Variants in ZNF253 observed in about 807,000 individuals in gnomAD.
ZNF253 encodes zinc finger protein 253, also known as DNA-binding protein.
A neutral mutation model predicts 11.9 loss-of-function variants in ZNF253; 8 were observed. The ratio of observed to expected loss-of-function variants is 0.67; its 90% CI spans 0.40 to 1.22. ZNF253 has a LOEUF of 1.22. Among genes scored for constraint, ZNF253 ranks in the 50% most tolerant of loss-of-function variants. The pLI, the probability that ZNF253 is intolerant of heterozygous loss-of-function variation, is 0.01. For missense variants in ZNF253, 485 were observed against 586.9 expected (o/e 0.83, Z 1.79); for synonymous variants, 194 against 194.9 (o/e 1.00, Z 0.04).
At chr19:19,873,563 C>T (rs1357809346) in intron 1 of ZNF253, among the ~76,000 whole-genome samples, 1 of 152,124 alleles carries the variant, frequency 6.6e-6, no homozygotes, top group Non-Finnish European at 1.5e-5. Context: ...TGTGTTTGTT[C>T]ATCCTCTCAT....
At chr19:19,870,265 G>A (rs74979032) in intron 1 of ZNF253, among the ~76,000 whole-genome samples, 33,174 of 151,394 alleles carry the variant, frequency 0.22, 4,166 homozygotes, top group East Asian at 0.56. Flanking sequence ...GGTGGCACGC[G>A]CCTGTAATCC....
intron 1 of ZNF253, among the ~76,000 whole-genome samples, chr19:19,877,541 A>G (rs1004017670): frequency 7.9e-5 from 12 of 152,048 alleles, no homozygotes; most frequent in African/African-American, 2.9e-4. Flanking sequence ...ACGCCCAGCT[A>G]ATTTTGTATT....
At chr19:19,869,857 G>A (rs2063126497) in intron 1 of ZNF253, among the ~76,000 whole-genome samples, 1 of 151,256 alleles carries the variant, frequency 6.6e-6, no homozygotes, top group Non-Finnish European at 1.5e-5. Flanking sequence ...TTTTAGTAGA[G>A]ACAGGATTTC....
Position 19,892,373 on chromosome 19 carries a change from G to A in ZNF253, c.1126G>A (p.Ala376Thr), listed in dbSNP as rs1284250817. 5 of 1,613,718 alleles carry A rather than the reference G, an allele frequency of 3.1e-6. No homozygotes were observed. The highest frequency in any genetic ancestry group is 2.2e-5 in the East Asian group (1 of 44,860). Residue 376 changes from alanine (A) to threonine (T), a missense_variant, in exon 4 of 4, where the codon GCT (alanine) becomes ACT (threonine). Around this residue, in one of 3 missense-constraint regions of ZNF253, gnomAD observed 232 missense variants for 321.4 expected, o/e 0.72. Transcript: ENST00000589717. Reference sequence around the variant, plus strand: ...CTACAGATGTAGAGAATGTGGCAAAGCTTTTAACCATTCCACAACCCTTTT... The same window carrying A: ...CTACAGATGTAGAGAATGTGGCAAAACTTTTAACCATTCCACAACCCTTTT... Reference protein sequence around the residue: ...KPYRCRECGKAFNHSTTLFSH... With the variant: ...KPYRCRECGKTFNHSTTLFSH...
chr19:19,881,516 G>A (rs546544231), intron 3 of ZNF253, among the ~76,000 whole-genome samples: 68 of 152,000 alleles, frequency 4.5e-4, no homozygotes, highest in Non-Finnish European at 6.9e-4. Flanking sequence ...GGGCATGGTG[G>A]CGCATGCCTG....
intron 2 of ZNF253, among the ~76,000 whole-genome samples, chr19:19,879,708 A>C (rs1301078553): frequency 6.6e-6 from 1 of 152,232 alleles, no homozygotes; most frequent in Non-Finnish European, 1.5e-5. Context: ...ACATGCTTTC[A>C]CTTGTGAATA....
intron 3 of ZNF253, among the ~76,000 whole-genome samples, chr19:19,886,795 C>G (rs2063208030): frequency 6.6e-6 from 1 of 152,152 alleles, no homozygotes; most frequent in Non-Finnish European, 1.5e-5. Context: ...TTATGCTACT[C>G]TCAAGTATTC....
intron 1 of ZNF253, among the ~76,000 whole-genome samples, chr19:19,877,723 A>G (rs1174663465): frequency 6.6e-6 from 1 of 152,030 alleles, no homozygotes; most frequent in Non-Finnish European, 1.5e-5. Flanking sequence ...AATTTGTCCT[A>G]GTGCAGTTAA....
intron 3 of ZNF253, among the ~76,000 whole-genome samples, chr19:19,890,913 C>T (rs1238957336): frequency 1.5e-5 from 2 of 137,114 alleles, no homozygotes; most frequent in Non-Finnish European, 3.0e-5. Flanking sequence ...GCAATCTTGG[C>T]TCACTGCAGT....
chr19:19,885,298 TTTTC>T (rs1555777998), intron 3 of ZNF253, among the ~76,000 whole-genome samples: 1,270 of 37,288 alleles, frequency 0.034, 115 homozygotes, highest in South Asian at 0.041. Flanking sequence ...TTTCTCTTTC[TTTTC>T]TTTCTTTCTT....
rs926639169 is a variant in ZNF253, at chr19:19,893,801, G to A, written c.*1054G>A. 2.0e-5 allele frequency: 3 copies of A among 152,318 alleles called. No individual in the cohort carries two copies. Among genetic ancestry groups the A allele is most frequent in the Non-Finnish European group, 4.4e-5 (3 of 68,020 alleles). The allele number at this position is 152,318 out of a possible 1,614,324, so 9.4% of individuals were successfully genotyped here. ...GACAGCCATTACAAATATAAAGGGGGTTGTAGTGCCTTTACTTGTGTCACA... is the reference window on the plus strand; with the variant it reads ...GACAGCCATTACAAATATAAAGGGGATTGTAGTGCCTTTACTTGTGTCACA... On this transcript the variant is annotated 3_prime_UTR_variant, in exon 4 of 4. Transcript: ENST00000589717.
chr19:19,885,244 TTTCTTTCTTTC>T (rs1353044731), intron 3 of ZNF253, among the ~76,000 whole-genome samples: 1 of 64,474 alleles, frequency 1.6e-5, no homozygotes, highest in Non-Finnish European at 2.4e-5. Flanking sequence ...TCTTTCTTTC[TTTCTTTCTTTC>T]TTTCTTTCTT....
chr19:19,878,779 C>A, intron 2 of ZNF253, 172 bp downstream of exon 2: 2 of 575,722 alleles, frequency 3.5e-6, no homozygotes, highest in East Asian at 3.4e-5. Context: ...ATTATGACCA[C>A]AAAGATAACC....
intron 1 of ZNF253, among the ~76,000 whole-genome samples, chr19:19,872,584 T>A (rs934145733): frequency 1.8e-4 from 13 of 72,828 alleles, no homozygotes; most frequent in South Asian, 1.4e-3. Context: ...TATATATTAT[T>A]ATATATATAT....
At chr19:19,877,768 AC>A (rs1183988061) in intron 1 of ZNF253, among the ~76,000 whole-genome samples, 1 of 152,140 alleles carries the variant, frequency 6.6e-6, no homozygotes, top group Non-Finnish European at 1.5e-5. Flanking sequence ...TAGCTCTCTG[AC>A]AGATTTTTTT....
chr19:19,866,501 GT>G lies in ZNF253; in HGVS notation c.3+516del, dbSNP rs34627033. On this transcript the variant is annotated intron_variant, in intron 1 of 3. Transcript: ENST00000589717. The stretch of plus-strand genomic sequence containing the variant: ...GAGCACACAGAAGAAAGGAAGGAAG[GT>G]TTTTTTTTTTTTTGAGGCGGAGTTT... Among the ~76,000 whole-genome samples, 176 of 144,482 alleles carry G rather than the reference GT, an allele frequency of 1.2e-3. 1 individual carries two copies. The highest frequency in any genetic ancestry group is 5.8e-3 in the Admixed American group (84 of 14,530). The allele number at this position is 144,482 out of a possible 152,430, so 94.8% of individuals were successfully genotyped here. A position where few individuals can be genotyped will look rare whatever the true frequency, so the allele number is the denominator to read the frequency against.
chr19:19,882,129 C>A (rs1176902847), intron 3 of ZNF253, among the ~76,000 whole-genome samples: 1 of 151,310 alleles, frequency 6.6e-6, no homozygotes, highest in Non-Finnish European at 1.5e-5. Flanking sequence ...GCGGAGGTTG[C>A]AGTGAGCCAA....
intron 1 of ZNF253, among the ~76,000 whole-genome samples, chr19:19,872,563 ATATATATATATATATATTAT>A (rs1423323885): frequency 1.5e-4 from 12 of 82,260 alleles, no homozygotes; most frequent in Admixed American, 4.6e-4. Flanking sequence ...AACCATAACT[ATATATATATATATATATTAT>A]TATATATATA....
At chr19:19,887,561 C>G (rs1223035362) in intron 3 of ZNF253, among the ~76,000 whole-genome samples, 1 of 151,920 alleles carries the variant, frequency 6.6e-6, no homozygotes. Context: ...CCTTCTTCGT[C>G]TTTTTGAAGT....
Sources: gnomAD v4.1 joint callset for allele counts (sites outside exome capture counted in the v4.1 genomes callset) on GRCh38, gnomAD v4.1.1 for gene constraint, gnomAD v4.1.1 regional missense constraint, MANE v1.5 for transcripts, NCBI Gene and HGNC (gene_info 2026-07-23, HGNC 2026-07-21) for gene names.